The following SYNE1 variants were observed in gnomAD, a reference collection of about 807,000 sequenced individuals.
The protein encoded by SYNE1 is spectrin repeat containing nuclear envelope protein 1, also known as nesprin-1.
SYNE1 carries 616 observed loss-of-function variants against 1,111.0 expected under a neutral mutation model. That is an observed-to-expected ratio of 0.55 (90% CI 0.52 to 0.59). The LOEUF (loss-of-function observed/expected upper bound fraction) is 0.59, where lower values mean the gene tolerates loss of function less well. SYNE1 is among the 20% of genes least tolerant of loss of function. The pLI, the probability that SYNE1 is intolerant of heterozygous loss-of-function variation, is 0.00. For synonymous variants in SYNE1, 3,855 were observed against 3,825.8 expected (o/e 1.01, Z -0.28); for missense variants, 10,006 against 10,417.0 (o/e 0.96, Z 1.72).
At chr6:152,456,800 C>T (rs1026712764) in intron 22 of SYNE1, 3 of 428,346 alleles carry the variant, frequency 7.0e-6, no homozygotes, top group Non-Finnish European at 1.4e-5. Context: ...TCAGTATCCT[C>T]AACTGCGTTA....
chr6:152,122,853 T>C (rs1286934927), intron 145 of SYNE1, among the ~76,000 whole-genome samples, 177 bp from the exon 146 acceptor site: 1 of 152,142 alleles, frequency 6.6e-6, no homozygotes, highest in African/African-American at 2.4e-5. Flanking sequence ...AATGAGGTTG[T>C]TGGAAACTGC....
Position 152,155,977 on chromosome 6 carries a change from G to A in SYNE1, c.23911C>T (p.Gln7971Ter). ...ATDAECDSIQ[Q>*]ATRNLDRRWR... ...CGCCGGTCCAGGTTTCTCGTAGCCT[G>A]CTGTATAGAGTCACACTCGGCATCA... is the stretch of plus-strand genomic sequence containing the variant. Residue 7971 changes from glutamine to a stop codon, truncating the protein, a stop_gained, in exon 132 of 146, where the codon CAG (glutamine) becomes TAG (stop). Transcript: ENST00000367255. LOFTEE classifies it high-confidence loss of function. The A allele has an allele frequency of 1.9e-6, 3 of 1,614,158 alleles. No homozygotes were observed. Among genetic ancestry groups the A allele is most frequent in the Non-Finnish European group, 2.5e-6 (3 of 1,180,040 alleles).
intron 14 of SYNE1, among the ~76,000 whole-genome samples, chr6:152,472,802 T>C (rs998061349): frequency 1.3e-5 from 2 of 152,238 alleles, no homozygotes; most frequent in Non-Finnish European, 2.9e-5. Flanking sequence ...AATTGAAACC[T>C]TTAATGGCAA....
chr6:152,428,418 G>GT, intron 36 of SYNE1, 26 bp from the exon 37 acceptor site: 1 of 1,612,300 alleles, frequency 6.2e-7, no homozygotes. Flanking sequence ...GAAGAATGCA[G>GT]TGAAAGCACA....
Position 152,539,973 on chromosome 6 carries a change from G to T in SYNE1, c.116C>A (p.Ser39Tyr), listed in dbSNP as rs886043971. 1 of 1,613,806 alleles carries T rather than the reference G, an allele frequency of 6.2e-7. No individual in the cohort carries two copies. The highest frequency in any genetic ancestry group is 8.5e-7 in the Non-Finnish European group (1 of 1,179,900). Residue 39 changes from serine (S) to tyrosine (Y), a missense_variant, in exon 4 of 146, where the codon TCT (serine) becomes TAT (tyrosine). This residue lies in a region of SYNE1 where 1,971 missense variants were observed against 2,084.1 expected (regional missense o/e 0.95). Coordinates refer to ENST00000367255, the MANE Select transcript of SYNE1 (RefSeq NM_182961.4). The stretch of plus-strand genomic sequence containing the variant: ...AGTTTCCTTTACCTTGGCCAGATGA[G>T]AGTTGATCCATTTTGTGAAAGTTCG... ...QKRTFTKWIN[S>Y]HLAKRKPPMV...
chr6:152,333,522 T>A (rs943653626), intron 77 of SYNE1, among the ~76,000 whole-genome samples: 24 of 152,196 alleles, frequency 1.6e-4, no homozygotes, highest in African/African-American at 5.8e-4. Context: ...GTTAAATCAA[T>A]ATCGAGCTAG....
At chr6:152,296,995 C>G (rs620768) in intron 93 of SYNE1, among the ~76,000 whole-genome samples, 8,694 of 152,148 alleles carry the variant, frequency 0.057, 269 homozygotes, top group Middle Eastern at 0.078. Flanking sequence ...CTTCTATTCT[C>G]CTGTCCACAT....
chr6:152,264,376 T>TG (rs1306085364), intron 100 of SYNE1, among the ~76,000 whole-genome samples: 1 of 151,390 alleles, frequency 6.6e-6, no homozygotes, highest in Non-Finnish European at 1.5e-5. Flanking sequence ...TTTGCTCAAG[T>TG]GAAAAAAAAA....
intron 6 of SYNE1, among the ~76,000 whole-genome samples, chr6:152,515,794 G>A (rs1246896032): frequency 6.6e-6 from 1 of 152,080 alleles, no homozygotes; most frequent in Non-Finnish European, 1.5e-5. Flanking sequence ...AGAAACTTGT[G>A]GCAAATGGTG....
At chr6:152,328,488 C>T (rs888362658) in intron 78 of SYNE1, among the ~76,000 whole-genome samples, 1 of 151,628 alleles carries the variant, frequency 6.6e-6, no homozygotes, top group Non-Finnish European at 1.5e-5. Context: ...TCACTGCAAC[C>T]TCTGCCTCCT....
At chr6:152,288,254 C>G (rs756407052) in intron 95 of SYNE1, among the ~76,000 whole-genome samples, 1 of 152,072 alleles carries the variant, frequency 6.6e-6, no homozygotes, top group Non-Finnish European at 1.5e-5. Flanking sequence ...TGCCTCCTAC[C>G]CACTCCTGTT....
rs187269069 is a variant in SYNE1 at position 152,327,846 on chromosome 6, T to C, written c.14956-1213A>G. Reference sequence around the variant, plus strand: ...CTTACTCTACATTCTAGATTCTATATCTCTATTTATACTAATAGCGCTAGA... The same window carrying C: ...CTTACTCTACATTCTAGATTCTATACCTCTATTTATACTAATAGCGCTAGA... On this transcript the variant is annotated intron_variant, in intron 78 of 145. Coordinates refer to ENST00000367255, the MANE Select transcript of SYNE1 (RefSeq NM_182961.4). 1.4e-4 allele frequency among the ~76,000 whole-genome samples: 21 copies of C among 152,320 alleles called. No individual in the cohort carries two copies. In the East Asian group the frequency reaches 1.5e-3, roughly 11 times the overall value.
rs145458324 is a variant in SYNE1, at chr6:152,592,138, C to A, written c.67+36127G>T. On this transcript the variant is annotated intron_variant, in intron 3 of 145. Transcript: ENST00000367255. The stretch of plus-strand genomic sequence containing the variant: ...ATTTCTCAAAGAACTTAAAACAAAT[C>A]TACCATTCGACCCAGAAATCTTATT... Among the ~76,000 whole-genome samples, 1,393 of 152,222 alleles carry A rather than the reference C, an allele frequency of 9.2e-3. 11 individuals carry two copies. Among genetic ancestry groups the A allele is most frequent in the Middle Eastern group, 0.014 (4 of 294 alleles).
At position 152,300,716 on chromosome 6, in the gene SYNE1, G is replaced by A; in HGVS notation, c.17607C>T (p.Thr5869=). The A allele has an allele frequency of 6.2e-7, 1 of 1,614,144 alleles. No individual in the cohort carries two copies. The highest frequency in any genetic ancestry group is 8.5e-7 in the Non-Finnish European group (1 of 1,180,028). ...PVTEESGEEG[T]NSEISSPPAC... Reference sequence around the variant, plus strand: ...CAGGTGGAGAGGAAATCTCACTGTTGGTTCCCTCCTCCCCAGACTCCTCAG... The same window carrying A: ...CAGGTGGAGAGGAAATCTCACTGTTAGTTCCCTCCTCCCCAGACTCCTCAG... The change falls in exon 93 of 146, where the codon ACC becomes ACT. Residue 5869 remains threonine (T), a synonymous_variant. Coordinates refer to ENST00000367255, the MANE Select transcript of SYNE1 (RefSeq NM_182961.4).
At chr6:152,149,837 A>G (rs1392959646) in intron 135 of SYNE1, among the ~76,000 whole-genome samples, 169 bp from the exon 136 acceptor site, 1 of 152,222 alleles carries the variant, frequency 6.6e-6, no homozygotes, top group Non-Finnish European at 1.5e-5. Context: ...AGTAAAACAT[A>G]TGCATTTTCA....
chr6:152,516,701 C>A (rs1350327427), intron 6 of SYNE1, among the ~76,000 whole-genome samples: 1 of 152,184 alleles, frequency 6.6e-6, no homozygotes, highest in African/African-American at 2.4e-5. Flanking sequence ...ACCTCAGCCT[C>A]TCGAGTAGCT....
At chr6:152,124,974 T>C (rs998622479) in intron 145 of SYNE1, among the ~76,000 whole-genome samples, 1 of 152,200 alleles carries the variant, frequency 6.6e-6, no homozygotes, top group Non-Finnish European at 1.5e-5. Flanking sequence ...GGTGTGTACT[T>C]ATTAACTTCA....
chr6:152,273,857 T>C (rs752711008), intron 98 of SYNE1, among the ~76,000 whole-genome samples: 14 of 152,206 alleles, frequency 9.2e-5, no homozygotes, highest in Non-Finnish European at 1.9e-4. Flanking sequence ...CCACGAGACC[T>C]TGGAATTTGT....
intron 63 of SYNE1, among the ~76,000 whole-genome samples, chr6:152,363,497 CTAAATAAATAAATAAATAAATAAATAAA>C (rs72461138): frequency 5.5e-5 from 8 of 144,194 alleles, no homozygotes; most frequent in African/African-American, 7.7e-5. Context: ...CCGTCTCAAA[CTAAATAAATAAATAAATAAATAAATAAA>C]TAAATAAATA....
Sources: allele counts gnomAD v4.1 joint callset (sites outside exome capture counted in the v4.1 genomes callset), GRCh38; gene constraint gnomAD v4.1.1; regional missense constraint gnomAD v4.1.1; transcripts MANE v1.5; gene names NCBI Gene and HGNC (gene_info 2026-07-23, HGNC 2026-07-21).